DUSP22: variants seen among roughly 807,000 people sequenced by gnomAD.
The protein encoded by DUSP22 is dual specificity protein phosphatase 22.
A neutral mutation model predicts 24.5 loss-of-function variants in DUSP22; 24 were observed. That is an observed-to-expected ratio of 0.98 (90% CI 0.71 to 1.38). The LOEUF is 1.38. Among genes scored for constraint, DUSP22 ranks in the 40% most tolerant of loss-of-function variants. DUSP22 has a pLI of 0.00. For missense variants in DUSP22, 330 were observed against 269.2 expected (o/e 1.23, Z -1.58); for synonymous variants, 160 against 106.4 (o/e 1.50, Z -3.10).
At chr6:298,806 C>A (rs185585511) in intron 1 of DUSP22, among the ~76,000 whole-genome samples, 10 of 152,296 alleles carry the variant, frequency 6.6e-5, no homozygotes, top group Non-Finnish European at 1.0e-4. Context: ...TTCCTCTTAG[C>A]GTGTTAGACT....
chr6:336,227 G>A (rs1371575322), intron 4 of DUSP22, among the ~76,000 whole-genome samples: 1 of 152,310 alleles, frequency 6.6e-6, no homozygotes, highest in East Asian at 1.9e-4. Flanking sequence ...GGTTGGCCCA[G>A]TGCTATATGC....
In DUSP22 at chr6:349,282, C is replaced by A. The variant is rs1469006621; in HGVS notation, c.*331C>A. 3.9e-6 allele frequency: 5 copies of A among 1,286,342 alleles called. No individual in the cohort carries two copies. The highest frequency in any genetic ancestry group is 5.0e-6 in the Non-Finnish European group (5 of 1,008,938). 79.7% of individuals were successfully genotyped at this position (1,286,342 alleles called of 1,614,324 possible). Reference sequence around the variant, plus strand: ...GTGCCTGTGTGAGTGAGGGTATGTGCACCTAAGTGTGTACATGTGTGTATG... The same window carrying A: ...GTGCCTGTGTGAGTGAGGGTATGTGAACCTAAGTGTGTACATGTGTGTATG... On this transcript the variant is annotated 3_prime_UTR_variant, in exon 7 of 7. Transcript: ENST00000419235.
intron 4 of DUSP22, among the ~76,000 whole-genome samples, chr6:344,054 G>C (rs551594585): frequency 2.0e-5 from 3 of 152,306 alleles, no homozygotes; most frequent in Non-Finnish European, 2.9e-5. Flanking sequence ...AACCAGTCCA[G>C]AATGAGGTCT....
chr6:323,720 G>T (rs1007413385), intron 3 of DUSP22, among the ~76,000 whole-genome samples: 2 of 152,304 alleles, frequency 1.3e-5, no homozygotes, highest in Admixed American at 6.5e-5. Context: ...TCAGACCTTG[G>T]CTTGAGACTC....
chr6:307,416 T>C (rs1189195298), intron 2 of DUSP22, among the ~76,000 whole-genome samples: 3 of 152,310 alleles, frequency 2.0e-5, no homozygotes, highest in Non-Finnish European at 2.9e-5. Context: ...AAAAAAGCTT[T>C]GTAATGAATC....
intron 1 of DUSP22, among the ~76,000 whole-genome samples, 153 bp downstream of exon 1, chr6:292,713 G>A (rs969874429): frequency 8.5e-5 from 13 of 152,270 alleles, no homozygotes; most frequent in Non-Finnish European, 4.4e-5. Flanking sequence ...GGCGGCGACC[G>A]CGGAGTCGGG....
Position 349,582 on chromosome 6 carries a change from G to A in DUSP22, c.*631G>A, listed in dbSNP as rs1359291035. On this transcript the variant is annotated 3_prime_UTR_variant, in exon 7 of 7. Coordinates refer to ENST00000419235, the MANE Select transcript of DUSP22 (RefSeq NM_001286555.3). ...CAGGGTGGTGTGGTGGGGGCAACAGGGGCCAGACTCCTCTAGAGGGAGGGT... is the reference window on the plus strand; with the variant it reads ...CAGGGTGGTGTGGTGGGGGCAACAGAGGCCAGACTCCTCTAGAGGGAGGGT... The A allele has an allele frequency of 8.1e-6, 8 of 988,670 alleles. No homozygotes were observed. The highest frequency in any genetic ancestry group is 9.6e-6 in the Non-Finnish European group (8 of 832,506). 61.2% of individuals were successfully genotyped at this position (988,670 alleles called of 1,614,324 possible).
chr6:343,402 G>GGGCAGCTGACTGGCTGGCTGCAGGGA (rs1759703768), intron 4 of DUSP22, among the ~76,000 whole-genome samples: 1 of 152,302 alleles, frequency 6.6e-6, no homozygotes, highest in East Asian at 1.9e-4. Flanking sequence ...GGCTGCAGGG[G>GGGCAGCTGACTGGCTGGCTGCAGGGA]TGCAGCTGGA....
intron 4 of DUSP22, among the ~76,000 whole-genome samples, chr6:337,484 G>A (rs1296730241): frequency 6.6e-6 from 1 of 152,300 alleles, no homozygotes; most frequent in African/African-American, 2.4e-5. Flanking sequence ...TGAGAGACCT[G>A]CTGACATGGA....
chr6:330,832 C>T (rs1206529625), intron 3 of DUSP22, among the ~76,000 whole-genome samples: 1 of 152,310 alleles, frequency 6.6e-6, no homozygotes, highest in Non-Finnish European at 1.5e-5. Context: ...CCCCATCTCT[C>T]CTGCCTCTTT....
intron 3 of DUSP22, among the ~76,000 whole-genome samples, chr6:331,243 C>T (rs1188249310): frequency 6.6e-6 from 1 of 152,306 alleles, no homozygotes; most frequent in Non-Finnish European, 1.5e-5. Context: ...GTGGAAAGTG[C>T]TGAATTCTTA....
At chr6:304,707 A>G (rs1430710724) in intron 2 of DUSP22, 46 bp downstream of exon 2, 1 of 1,609,868 alleles carries the variant, frequency 6.2e-7, no homozygotes, top group Non-Finnish European at 8.5e-7. Flanking sequence ...CACATAACAT[A>G]AAATGTGTCA....
chr6:350,243 A>G lies in DUSP22; in HGVS notation c.*1292A>G. 2.0e-6 allele frequency: 2 copies of G among 988,324 alleles called. No individual in the cohort carries two copies. Among genetic ancestry groups the G allele is most frequent in the Non-Finnish European group, 2.4e-6 (2 of 831,998 alleles). The allele number at this position is 988,324 out of a possible 1,614,324, so 61.2% of individuals were successfully genotyped here. A position where few individuals can be genotyped will look rare whatever the true frequency, so the allele number is the denominator to read the frequency against. ...AAAGTTGCCAGTTTGGGCTCCAGTA[A>G]TGCTTTCTGGTGGGTAAAATTCCAC... On this transcript the variant is annotated 3_prime_UTR_variant, in exon 7 of 7. Transcript: ENST00000419235.
chr6:335,212 A>T, intron 4 of DUSP22, 49 bp downstream of exon 4: 2 of 1,597,098 alleles, frequency 1.3e-6, no homozygotes, highest in Non-Finnish European at 1.7e-6. Context: ...AAAAATGAAT[A>T]GAGGATGGTA....
At chr6:310,388 G>A (rs573373954) in intron 2 of DUSP22, among the ~76,000 whole-genome samples, 23 of 152,294 alleles carry the variant, frequency 1.5e-4, no homozygotes, top group African/African-American at 5.1e-4. Context: ...TTAGTAGAAG[G>A]GTTCCACTTC....
chr6:348,507 C>T (rs1368562411), intron 6 of DUSP22: 8 of 858,822 alleles, frequency 9.3e-6, no homozygotes, highest in Non-Finnish European at 1.2e-5. Context: ...GTACTCCCTA[C>T]TAGTTTGTTT....
intron 1 of DUSP22, among the ~76,000 whole-genome samples, chr6:300,902 C>T (rs1295470742): frequency 6.6e-6 from 1 of 152,306 alleles, no homozygotes; most frequent in Non-Finnish European, 1.5e-5. Flanking sequence ...GGAGCAGATG[C>T]TGTAAGTGGT....
intron 5 of DUSP22, 145 bp downstream of exon 5, chr6:346,073 C>A: frequency 9.6e-7 from 1 of 1,046,152 alleles, no homozygotes; most frequent in South Asian, 1.5e-5. Context: ...CTCCATTTGT[C>A]CAGCGCTGTG....
chr6:299,471 G>T (rs540974911), intron 1 of DUSP22, among the ~76,000 whole-genome samples: 2 of 152,416 alleles, frequency 1.3e-5, no homozygotes, highest in East Asian at 3.9e-4. Flanking sequence ...ATATTCATGG[G>T]CCTTTTATTT....
Sources: gnomAD v4.1 joint callset for allele counts (sites outside exome capture counted in the v4.1 genomes callset) on GRCh38, gnomAD v4.1.1 for gene constraint, MANE v1.5 for transcripts, NCBI Gene and HGNC (gene_info 2026-07-23, HGNC 2026-07-21) for gene names.